The following BEAN1 variants were observed in gnomAD, a reference collection of about 807,000 sequenced individuals.
BEAN1 encodes the protein brain expressed associated with NEDD4 1, also known as protein BEAN1.
Under a neutral mutation model 17.7 loss-of-function variants are expected in BEAN1, and 17 were observed. The ratio of observed to expected loss-of-function variants is 0.96; its 90% confidence interval spans 0.66 to 1.44. The LOEUF (loss-of-function observed/expected upper bound fraction) is 1.44, where lower values mean the gene tolerates loss of function less well. Ranked by LOEUF, BEAN1 falls within the 40% of genes most tolerant of loss-of-function variation. The probability of loss-of-function intolerance (pLI) is 0.00; values close to 1 mark genes in which losing one functional copy is unlikely to be tolerated. For synonymous variants in BEAN1, 142 were observed against 151.8 expected (o/e 0.94, Z 0.47); for missense variants, 359 against 374.1 (o/e 0.96, Z 0.33).
chr16:66,461,613 C>CACAA (rs1175826052), intron 2 of BEAN1, among the ~76,000 whole-genome samples: 1 of 146,474 alleles, frequency 6.8e-6, no homozygotes, highest in Non-Finnish European at 1.5e-5. Context: ...CACACACACA[C>CACAA]AAACGCACGC....
rs1239965609 is a variant in BEAN1 at position 66,480,690 on chromosome 16, C to T, written c.545C>T (p.Ser182Phe). The change falls in exon 5 of 5, where the codon TCC becomes TTC. Residue 182 changes from serine to phenylalanine, a missense_variant. Physicochemically the swap from Ser to Phe is radical, Grantham distance 155. Transcript: ENST00000536005. ...TCCTGCCCCACGCTGGATGGCACCT[C>T]CGACTCAGGCAGCGGCCACAGCCCT... Reference protein sequence around the residue: ...TDSCPTLDGTSDSGSGHSPGR... With the variant: ...TDSCPTLDGTFDSGSGHSPGR... The T allele has an allele frequency of 3.2e-6, 5 of 1,551,556 alleles. No homozygotes were observed. The highest frequency in any genetic ancestry group is 2.0e-5 in the Admixed American group (1 of 50,984).
In BEAN1 at chr16:66,481,296, T is replaced by C. The variant is rs1963979125; in HGVS notation, c.*371T>C. ...AAGTGGGATTTTCTCTTCCCTCTCC[T>C]GGGCCCGTTTGCCCCTACCCTCGCC... is the stretch of plus-strand genomic sequence containing the variant. On this transcript the variant is annotated 3_prime_UTR_variant, in exon 5 of 5. Coordinates refer to ENST00000536005, the MANE Select transcript of BEAN1 (RefSeq NM_001178020.3). The surrounding 1 kb of genome is among the most constrained non-coding windows in gnomAD (Gnocchi z 4.1). 2.5e-6 allele frequency: 1 copy of C among 399,550 alleles called. No individual in the cohort carries two copies. Among genetic ancestry groups the C allele is most frequent in the East Asian group, 3.6e-5 (1 of 28,076 alleles). 24.8% of individuals were successfully genotyped at this position (399,550 alleles called of 1,614,324 possible). A position where few individuals can be genotyped will look rare whatever the true frequency, so the allele number is the denominator to read the frequency against.
chr16:66,490,899 T>C (rs1245843961), intron 4 of BEAN1, among the ~76,000 whole-genome samples: 1 of 152,192 alleles, frequency 6.6e-6, no homozygotes, highest in Non-Finnish European at 1.5e-5. Context: ...GCTTTATCTC[T>C]TGCTAGCACA....
intron 2 of BEAN1, among the ~76,000 whole-genome samples, chr16:66,448,519 C>G (rs1962542130): frequency 6.6e-6 from 1 of 152,120 alleles, no homozygotes; most frequent in Admixed American, 6.6e-5. Context: ...ACAAACTGAA[C>G]ACATTCATAT....
At chr16:66,479,260 C>T (rs1313072476) in intron 4 of BEAN1, 1 of 152,458 alleles carries the variant, frequency 6.6e-6, no homozygotes, top group African/African-American at 2.4e-5. Context: ...CCCGGTGCAG[C>T]TCATCTAAAG....
At chr16:66,488,227 G>T (rs375149101) in intron 4 of BEAN1, among the ~76,000 whole-genome samples, 3 of 152,224 alleles carry the variant, frequency 2.0e-5, no homozygotes, top group South Asian at 4.1e-4. Context: ...GGTGGGGCAG[G>T]GGGGTGGGGG....
At position 66,480,792 on chromosome 16, in the gene BEAN1, A is replaced by T. The variant is rs1963958423; in HGVS notation, c.647A>T (p.Tyr216Phe). 6.5e-7 allele frequency: 1 copy of T among 1,549,424 alleles called. No homozygotes were observed. Among genetic ancestry groups the T allele is most frequent in the Non-Finnish European group, 8.7e-7 (1 of 1,146,100 alleles). Reference protein sequence around the residue: ...HTVSMDTLPPYEAVCGAGPPS... With the variant: ...HTVSMDTLPPFEAVCGAGPPS... ...GTCTCCATGGACACCCTTCCCCCCT[A>T]CGAGGCTGTGTGCGGGGCTGGCCCC... The change falls in exon 5 of 5, where the codon TAC becomes TTC. Residue 216 changes from tyrosine (Y) to phenylalanine (F), a missense_variant. Tyr to Phe is a conservative substitution (Grantham distance 22). Transcript: ENST00000536005.
chr16:66,436,598 G>A (rs58601406), intron 1 of BEAN1, among the ~76,000 whole-genome samples: 1 of 143,704 alleles, frequency 7.0e-6, no homozygotes, highest in South Asian at 2.2e-4. Flanking sequence ...TTTTTAAAGA[G>A]AGGGTCTCAC....
intron 3 of BEAN1, among the ~76,000 whole-genome samples, chr16:66,474,569 A>AGAGGGAGAGAGG (rs1963623263): frequency 2.6e-5 from 1 of 38,802 alleles, no homozygotes. Context: ...AGGGAGGGAG[A>AGAGGGAGAGAGG]GAGGGAGGGA....
intron 2 of BEAN1, among the ~76,000 whole-genome samples, chr16:66,463,857 T>C (rs1251348975): frequency 3.9e-5 from 6 of 152,226 alleles, no homozygotes; most frequent in Admixed American, 2.0e-4. Context: ...CATTCAGTTG[T>C]CCTAACACCA....
intron 2 of BEAN1, among the ~76,000 whole-genome samples, chr16:66,438,530 C>G (rs4783545): frequency 1.3e-5 from 2 of 152,182 alleles, no homozygotes; most frequent in African/African-American, 4.8e-5. Flanking sequence ...GTTTACTCTC[C>G]TAAGGAAACC....
chr16:66,454,074 A>C (rs188707693), intron 2 of BEAN1, among the ~76,000 whole-genome samples: 6 of 152,242 alleles, frequency 3.9e-5, no homozygotes, highest in Admixed American at 3.9e-4. Context: ...ATAGTTTTCT[A>C]TTTTGGATCT....
intron 3 of BEAN1, among the ~76,000 whole-genome samples, chr16:66,470,486 T>G (rs1018602350): frequency 6.7e-6 from 1 of 150,054 alleles, no homozygotes; most frequent in Non-Finnish European, 1.5e-5. Flanking sequence ...GAAGGGAGGG[T>G]TGAGTGGAGG....
chr16:66,438,307 C>G (rs1343650882), intron 2 of BEAN1, among the ~76,000 whole-genome samples: 3 of 152,048 alleles, frequency 2.0e-5, no homozygotes, highest in Admixed American at 6.5e-5. Context: ...TTGCTTGAAT[C>G]CGGGAGGCGG....
At chr16:66,490,218 TAAAA>T (rs774079713) in intron 4 of BEAN1, among the ~76,000 whole-genome samples, 6 of 43,606 alleles carry the variant, frequency 1.4e-4, no homozygotes, top group African/African-American at 5.4e-4. Flanking sequence ...CCATCTCTAC[TAAAA>T]AAAAAAAAAA....
chr16:66,457,567 A>G (rs559218465), intron 2 of BEAN1, among the ~76,000 whole-genome samples: 1 of 152,280 alleles, frequency 6.6e-6, no homozygotes, highest in African/African-American at 2.4e-5. Context: ...TTCAGCTGCC[A>G]TCAAGGTGAC....
rs72788591 is a variant in BEAN1, at chr16:66,467,045, T to C, written c.26-2557T>C. Among the ~76,000 whole-genome samples the C allele has an allele frequency of 6.5e-3, 983 of 152,308 alleles. 7 individuals are homozygous for C. The highest frequency in any genetic ancestry group is 0.014 in the Middle Eastern group (4 of 294). On this transcript the variant is annotated intron_variant, in intron 2 of 4. Transcript: ENST00000536005. ...TGTTGCTCCCCAGACCCAGGGCTTA[T>C]ATATCACAGGGAAAGGGTATACATG...
chr16:66,477,445 A>C, intron 3 of BEAN1, 115 bp from the exon 4 acceptor site: 3 of 1,090,286 alleles, frequency 2.8e-6, no homozygotes, highest in Middle Eastern at 3.0e-4. Context: ...TGGTGAGGAG[A>C]GGAGTGGTCA....
intron 2 of BEAN1, among the ~76,000 whole-genome samples, chr16:66,440,995 A>G (rs1470133337): frequency 1.3e-5 from 2 of 152,128 alleles, no homozygotes; most frequent in African/African-American, 4.8e-5. Flanking sequence ...CATCATTCTG[A>G]CCTGGCCCCC....
Sources: allele counts gnomAD v4.1 joint callset (sites outside exome capture counted in the v4.1 genomes callset), GRCh38; gene constraint gnomAD v4.1.1; non-coding constraint Gnocchi (gnomAD v3.1); transcripts MANE v1.5; gene names NCBI Gene and HGNC (gene_info 2026-07-23, HGNC 2026-07-21).